CDH20: variants seen among roughly 807,000 people sequenced by gnomAD.
CDH20 encodes the protein cadherin-20.
A neutral mutation model predicts 74.2 loss-of-function variants in CDH20; 29 were observed. That is an observed-to-expected ratio of 0.39 (90% CI 0.29 to 0.53). CDH20 has a LOEUF of 0.53. CDH20 is among the 20% of genes least tolerant of loss of function. The pLI is 0.69. For synonymous variants in CDH20, 469 were observed against 405.4 expected (o/e 1.16, Z -1.88); for missense variants, 988 against 1,048.3 (o/e 0.94, Z 0.79).
intron 1 of CDH20, among the ~76,000 whole-genome samples, chr18:61,394,270 C>T (rs1021030255): frequency 6.6e-6 from 1 of 152,102 alleles, no homozygotes; most frequent in East Asian, 1.9e-4. Context: ...GAATGTCTCC[C>T]CAAAATTCCA....
intron 8 of CDH20, among the ~76,000 whole-genome samples, chr18:61,538,614 G>GTTTTT: frequency 1.7e-5 from 1 of 57,550 alleles, no homozygotes; most frequent in Non-Finnish European, 3.5e-5. Context: ...TTTTGTTTTT[G>GTTTTT]TTTTTGTTTT....
At chr18:61,544,632 C>T (rs1324501547) in intron 9 of CDH20, among the ~76,000 whole-genome samples, 1 of 152,168 alleles carries the variant, frequency 6.6e-6, no homozygotes, top group Admixed American at 6.5e-5. Context: ...CCGCATCATT[C>T]CACCATCGCT....
intron 1 of CDH20, among the ~76,000 whole-genome samples, chr18:61,413,631 C>T (rs1432312623): frequency 1.3e-5 from 2 of 151,940 alleles, no homozygotes; most frequent in Non-Finnish European, 2.9e-5. Flanking sequence ...ACACATAGTT[C>T]TGTTGACATC....
At chr18:61,359,583 G>A (rs929599954) in intron 1 of CDH20, among the ~76,000 whole-genome samples, 3 of 151,978 alleles carry the variant, frequency 2.0e-5, no homozygotes, top group African/African-American at 7.3e-5. Flanking sequence ...AATAAAAATA[G>A]TGCTAAACTA....
At position 61,363,068 on chromosome 18, in the gene CDH20, A is replaced by C. The variant is rs77283742; in HGVS notation, c.-153+29241A>C. On this transcript the variant is annotated intron_variant, in intron 1 of 11. Transcript: ENST00000262717. ...ATTAAGGAGAGCAGATGCACCTTTT[A>C]TGATTAATTAATGAGTGTTTATCTT... Among the ~76,000 whole-genome samples, 535 of 152,260 alleles carry C rather than the reference A, an allele frequency of 3.5e-3. 3 individuals are homozygous for C. Among genetic ancestry groups the C allele is most frequent in the African/African-American group, 0.012 (499 of 41,542 alleles).
In CDH20 at chr18:61,550,243, T is replaced by G; in HGVS notation, c.1900+14T>G. The G allele has an allele frequency of 6.2e-7, 1 of 1,608,042 alleles. No individual in the cohort carries two copies. Among genetic ancestry groups the G allele is most frequent in the Non-Finnish European group, 8.5e-7 (1 of 1,175,874 alleles). On this transcript the variant is annotated intron_variant, in intron 11 of 11. Transcript: ENST00000262717. ...TTGTCCTCTTAGGTGAGTAAGGGGC[T>G]GCTTTCCCTTCTGTGGAGTCCTGCC...
intron 1 of CDH20, among the ~76,000 whole-genome samples, chr18:61,452,424 C>A (rs770729599): frequency 1.6e-4 from 25 of 152,066 alleles, no homozygotes; most frequent in Non-Finnish European, 3.2e-4. Flanking sequence ...ATCCTTCCAA[C>A]AATTCTCAGT....
At chr18:61,531,486 A>G (rs1387483429) in intron 7 of CDH20, among the ~76,000 whole-genome samples, 1 of 152,106 alleles carries the variant, frequency 6.6e-6, no homozygotes, top group Non-Finnish European at 1.5e-5. Context: ...GTGTTTTTTT[A>G]TTTTATATTA....
At position 61,528,358 on chromosome 18, in the gene CDH20, TG is replaced by T. The variant is rs59072619; in HGVS notation, c.1271+139del. ...ACTCTCCTCTTTGAGTTTTTTGTGTTGTTTTTTTTTTTTTCCCTTAAATAAC... is the reference window on the plus strand; with the variant it reads ...ACTCTCCTCTTTGAGTTTTTTGTGTTTTTTTTTTTTTTTCCCTTAAATAAC... On this transcript the variant is annotated intron_variant, in intron 7 of 11. Coordinates refer to ENST00000262717, the MANE Select transcript of CDH20 (RefSeq NM_031891.4). 1.7e-3 allele frequency: 1,551 copies of T among 912,700 alleles called. 14 individuals carry two copies. The African/African-American group carries it at 0.023, about 13-fold the overall frequency. 56.5% of individuals were successfully genotyped at this position (912,700 alleles called of 1,614,324 possible). A position where few individuals can be genotyped will look rare whatever the true frequency, so the allele number is the denominator to read the frequency against.
chr18:61,491,165 T>C (rs1275528263), intron 2 of CDH20, among the ~76,000 whole-genome samples: 1 of 152,214 alleles, frequency 6.6e-6, no homozygotes, highest in African/African-American at 2.4e-5. Flanking sequence ...TTTTTTGCTT[T>C]GTGTTTTTGT....
At chr18:61,441,786 A>G (rs1909041760) in intron 1 of CDH20, among the ~76,000 whole-genome samples, 1 of 152,168 alleles carries the variant, frequency 6.6e-6, no homozygotes, top group Non-Finnish European at 1.5e-5. Flanking sequence ...TGTGTCTAGA[A>G]GTATATGATC....
chr18:61,457,023 GACAA>G, intron 1 of CDH20, among the ~76,000 whole-genome samples: 1 of 152,308 alleles, frequency 6.6e-6, no homozygotes, highest in East Asian at 1.9e-4. Context: ...TTAGGGCAGA[GACAA>G]ACATTCAGTG....
chr18:61,426,348 C>G (rs1913071514), intron 1 of CDH20, among the ~76,000 whole-genome samples: 14 of 151,904 alleles, frequency 9.2e-5, no homozygotes, highest in Admixed American at 8.5e-4. Flanking sequence ...ATACGGTGTA[C>G]AAGAGGGCAA....
intron 1 of CDH20, among the ~76,000 whole-genome samples, chr18:61,363,610 G>C (rs2144139570): frequency 6.6e-6 from 1 of 152,318 alleles, no homozygotes; most frequent in Admixed American, 6.5e-5. Context: ...GGCTGAGAGA[G>C]TGTCAACCTT....
At chr18:61,496,463 T>C (rs62098152) in intron 2 of CDH20, among the ~76,000 whole-genome samples, 25,089 of 151,372 alleles carry the variant, frequency 0.17, 2,227 homozygotes, top group Non-Finnish European at 0.19. Flanking sequence ...CACAGTTTCA[T>C]TGCGCACTTA....
chr18:61,410,938 C>T (rs1474622233), intron 1 of CDH20, among the ~76,000 whole-genome samples: 1 of 152,264 alleles, frequency 6.6e-6, no homozygotes, highest in South Asian at 2.1e-4. Flanking sequence ...CGGTGGCTCA[C>T]GCCTGTAATC....
chr18:61,455,826 C>A (rs918481734), intron 1 of CDH20, among the ~76,000 whole-genome samples: 3 of 152,154 alleles, frequency 2.0e-5, no homozygotes, highest in South Asian at 2.1e-4. Context: ...AAAGAGTGAA[C>A]CTTATAATTC....
At chr18:61,549,563 T>C (rs1162770336) in intron 10 of CDH20, among the ~76,000 whole-genome samples, 3 of 152,206 alleles carry the variant, frequency 2.0e-5, no homozygotes, top group African/African-American at 4.8e-5. Flanking sequence ...AGCATTCTTT[T>C]CCTGGAGGCG....
chr18:61,495,064 G>A (rs1227591604), intron 2 of CDH20, among the ~76,000 whole-genome samples: 1 of 152,104 alleles, frequency 6.6e-6, no homozygotes, highest in African/African-American at 2.4e-5. Flanking sequence ...ACATTCACTT[G>A]TCTTATTCTG....
Sources: gnomAD v4.1 joint callset for allele counts (sites outside exome capture counted in the v4.1 genomes callset) on GRCh38, gnomAD v4.1.1 for gene constraint, MANE v1.5 for transcripts, NCBI Gene and HGNC (gene_info 2026-07-23, HGNC 2026-07-21) for gene names.